Variants in CARF observed in about 807,000 individuals in gnomAD.
CARF encodes the protein calcium responsive transcription factor.
In CARF, 57 loss-of-function variants were observed where a neutral mutation model predicts 82.0. That is an observed-to-expected ratio of 0.70 (90% confidence interval 0.56 to 0.87). CARF has a LOEUF of 0.87. Ranked by LOEUF, CARF falls within the 40% of genes least tolerant of loss-of-function variation. The probability of loss-of-function intolerance (pLI) is 0.00; values close to 1 mark genes in which losing one functional copy is unlikely to be tolerated. For missense variants in CARF, 771 were observed against 855.8 expected, an observed-to-expected ratio of 0.90 and a Z score of 1.24; for synonymous variants, 268 against 290.1, an observed-to-expected ratio of 0.92 and a Z score of 0.77.
intron 11 of CARF, among the ~76,000 whole-genome samples, 197 bp from the exon 12 acceptor site, chr2:202,971,308 A>T (rs566361124): frequency 2.0e-5 from 3 of 152,238 alleles, no homozygotes; most frequent in Admixed American, 2.0e-4. Context: ...TTGGATATAA[A>T]GCAAATCTTA....
rs34262104 is a variant in CARF, at chr2:202,984,344, GA to G, written c.*723del. 6.6e-6 allele frequency: 1 copy of G among 152,124 alleles called. No individual in the cohort carries two copies. The highest frequency in any genetic ancestry group is 2.4e-5 in the African/African-American group (1 of 41,430). 9.4% of individuals were successfully genotyped at this position (152,124 alleles called of 1,614,324 possible). ...ACTTGAATTAATCAGATAAGCAACA[GA>G]AATCAACATATGTAGCATGGATTTG... On this transcript the variant is annotated 3_prime_UTR_variant, in exon 17 of 17. Coordinates refer to ENST00000438828, the MANE Select transcript of CARF (RefSeq NM_024744.17).
rs747621736 is a variant in CARF, at chr2:202,974,464, A to T, written c.1462A>T (p.Thr488Ser). 13 of 1,604,230 alleles carry T rather than the reference A, an allele frequency of 8.1e-6. No individual in the cohort carries two copies. The highest frequency in any genetic ancestry group is 1.1e-5 in the Non-Finnish European group (13 of 1,177,534). ...ACAGAAATCCTTGAGAAATGGAGAT[A>T]CGGTATATAACTCAGAGATTATTCC... The part of the protein sequence containing the change: ...EVQKSLRNGD[T>S]VYNSEIIPAT... Residue 488 changes from threonine (T) to serine (S), a missense_variant, in exon 13 of 17, where the codon ACG becomes TCG. Coordinates refer to ENST00000438828, the MANE Select transcript of CARF (RefSeq NM_024744.17).
At position 202,986,877 on chromosome 2, in the gene CARF, T is replaced by TATATATATATAC. The variant is rs1222319616; in HGVS notation, c.*3264_*3265insCATATATATATA. 8 of 112,306 alleles carry TATATATATATAC rather than the reference T, an allele frequency of 7.1e-5. No individual in the cohort carries two copies. The highest frequency in any genetic ancestry group is 2.5e-4 in the African/African-American group (8 of 32,422). 7.0% of individuals were successfully genotyped at this position (112,306 alleles called of 1,614,324 possible). ...TAAAAAATGTCTGTGCGTATATATA[T>TATATATATATAC]ATATATATATATATATATATATATA... On this transcript the variant is annotated 3_prime_UTR_variant, in exon 17 of 17. Transcript: ENST00000438828.
intron 16 of CARF, 29 bp downstream of exon 16, chr2:202,982,470 T>A (rs762755137): frequency 1.2e-6 from 2 of 1,609,632 alleles, no homozygotes; most frequent in Admixed American, 3.4e-5. Flanking sequence ...ATGATGTTAT[T>A]GTTGTAACCT....
chr2:202,961,198 G>GT, intron 8 of CARF, 39 bp from the exon 9 acceptor site: 2 of 1,504,248 alleles, frequency 1.3e-6, no homozygotes, highest in Non-Finnish European at 1.8e-6. Flanking sequence ...GCAATGAAGT[G>GT]TATTGCTAGT....
chr2:202,943,001 C>T lies in CARF; in HGVS notation c.306+34C>T, dbSNP rs527998316. The T allele has an allele frequency of 1.4e-5, 22 of 1,530,208 alleles. 1 individual carries two copies. The highest frequency in any genetic ancestry group is 1.1e-4 in the African/African-American group (8 of 72,838). The allele number at this position is 1,530,208 out of a possible 1,614,324, so 94.8% of individuals were successfully genotyped here. A position where few individuals can be genotyped will look rare whatever the true frequency, so the allele number is the denominator to read the frequency against. ...ATTTTATAAGTAACCAGTTTTATGCCGTTTAGCAAAATGTATTAGTCTTAC... is the reference window on the plus strand; with the variant it reads ...ATTTTATAAGTAACCAGTTTTATGCTGTTTAGCAAAATGTATTAGTCTTAC... On this transcript the variant is annotated intron_variant, in intron 5 of 16. Transcript: ENST00000438828.
chr2:202,958,249 ATGTGTG>A (rs71034206), intron 8 of CARF, among the ~76,000 whole-genome samples: 6 of 139,924 alleles, frequency 4.3e-5, no homozygotes, highest in Admixed American at 7.4e-5. Context: ...ATATACATAT[ATGTGTG>A]TGTGTGTGTG....
chr2:202,938,889 T>C (rs1036383275), intron 3 of CARF, among the ~76,000 whole-genome samples: 1 of 152,124 alleles, frequency 6.6e-6, no homozygotes, highest in Non-Finnish European at 1.5e-5. Context: ...CAATCTACTT[T>C]CTTAAAACCT....
At chr2:202,943,055 G>A in intron 5 of CARF, 88 bp downstream of exon 5, 1 of 981,392 alleles carries the variant, frequency 1.0e-6, no homozygotes, top group Non-Finnish European at 1.5e-6. Context: ...TGACACTTTT[G>A]ACTTACATTG....
In CARF at chr2:202,987,215, G is replaced by A. The variant is rs1257652175; in HGVS notation, c.*3591G>A. On this transcript the variant is annotated 3_prime_UTR_variant, in exon 17 of 17. Coordinates refer to ENST00000438828, the MANE Select transcript of CARF (RefSeq NM_024744.17). ...GCATCAACATTTTAAAACAATGTGTGTAATAAGTAATTCTCCACGCCCACC... is the reference window on the plus strand; with the variant it reads ...GCATCAACATTTTAAAACAATGTGTATAATAAGTAATTCTCCACGCCCACC... 6.6e-6 allele frequency among the ~76,000 whole-genome samples: 1 copy of A among 151,856 alleles called. No homozygotes were observed. The highest frequency in any genetic ancestry group is 1.9e-4 in the East Asian group (1 of 5,170).
rs1034081031 is a variant in CARF, at chr2:202,985,565, T to A, written c.*1941T>A. On this transcript the variant is annotated 3_prime_UTR_variant, in exon 17 of 17. Coordinates refer to ENST00000438828, the MANE Select transcript of CARF (RefSeq NM_024744.17). ...GTTGCCAAATTTAATTATGTTACAC[T>A]AAGTTAAACACAGCACTTAATTACC... The A allele has an allele frequency of 1.3e-5, 2 of 152,200 alleles. No individual in the cohort carries two copies. The highest frequency in any genetic ancestry group is 2.9e-5 in the Non-Finnish European group (2 of 68,008). The allele number at this position is 152,200 out of a possible 1,614,324, so 9.4% of individuals were successfully genotyped here. A position where few individuals can be genotyped will look rare whatever the true frequency, so the allele number is the denominator to read the frequency against.
At chr2:202,966,915 T>G in intron 9 of CARF, 63 bp from the exon 10 acceptor site, 1 of 1,506,212 alleles carries the variant, frequency 6.6e-7, no homozygotes, top group Non-Finnish European at 8.9e-7. Flanking sequence ...AAGTTACTTT[T>G]AATCTAGTGT....
intron 14 of CARF, among the ~76,000 whole-genome samples, chr2:202,979,901 C>T (rs1337349101): frequency 6.6e-6 from 1 of 152,074 alleles, no homozygotes; most frequent in Non-Finnish European, 1.5e-5. Context: ...GATACTCTGG[C>T]CATTTTAAAA....
intron 7 of CARF, among the ~76,000 whole-genome samples, chr2:202,955,386 A>G (rs2058988033): frequency 6.6e-6 from 1 of 152,232 alleles, no homozygotes; most frequent in Non-Finnish European, 1.5e-5. Flanking sequence ...CAGTTATATA[A>G]TAAGAGCACA....
In CARF at chr2:202,958,299, CCCT is replaced by C. The variant is rs1314830656; in HGVS notation, c.642+2542_642+2544del. Among the ~76,000 whole-genome samples the C allele has an allele frequency of 8.6e-5, 9 of 104,078 alleles. No homozygotes were observed. The Admixed American group carries it at 9.3e-4, about 11-fold the overall frequency. 68.3% of individuals were successfully genotyped at this position (104,078 alleles called of 152,430 possible). A position where few individuals can be genotyped will look rare whatever the true frequency, so the allele number is the denominator to read the frequency against. ...TGTGTGTAGTTTTAGCTTTTTGTCC[CCCT>C]ACCTTTTGTTAGTCATGGTTTTTCA... On this transcript the variant is annotated intron_variant, in intron 8 of 16. Coordinates refer to ENST00000438828, the MANE Select transcript of CARF (RefSeq NM_024744.17).
chr2:202,925,446 C>A, intron 3 of CARF: 1 of 287,710 alleles, frequency 3.5e-6, no homozygotes, highest in Non-Finnish European at 6.9e-6. Flanking sequence ...ATGAGGAGAT[C>A]ACCAGCTGCA....
At chr2:202,981,425 T>C in intron 14 of CARF, 130 bp from the exon 15 acceptor site, 2 of 669,002 alleles carry the variant, frequency 3.0e-6, no homozygotes, top group Non-Finnish European at 2.4e-6. Context: ...AGATGACTTA[T>C]TGAAGTCCTT....
chr2:202,939,671 C>T (rs1357224685), intron 3 of CARF, among the ~76,000 whole-genome samples: 2 of 149,756 alleles, frequency 1.3e-5, no homozygotes, highest in African/African-American at 2.4e-5. Flanking sequence ...TTAACTTACC[C>T]ATTGCCTTTT....
intron 1 of CARF, among the ~76,000 whole-genome samples, chr2:202,917,493 A>C (rs1689963105): frequency 6.6e-6 from 1 of 152,146 alleles, no homozygotes; most frequent in African/African-American, 2.4e-5. Flanking sequence ...TTTGGGAGGT[A>C]GGGCATGGGG....
Sources: gnomAD v4.1 joint callset for allele counts (sites outside exome capture counted in the v4.1 genomes callset) on GRCh38, gnomAD v4.1.1 for gene constraint, MANE v1.5 for transcripts, NCBI Gene and HGNC (gene_info 2026-07-23, HGNC 2026-07-21) for gene names.